The following CACNA1C variants were observed in gnomAD, a reference collection of about 807,000 sequenced individuals.
CACNA1C encodes the protein voltage-dependent L-type calcium channel subunit alpha-1C.
Under a neutral mutation model 229.0 loss-of-function variants are expected in CACNA1C, and 30 were observed. That is an observed-to-expected ratio of 0.13 (90% CI 0.10 to 0.18). CACNA1C has a LOEUF of 0.18. Among genes scored for constraint, CACNA1C ranks in the 10% least tolerant of loss-of-function variants. The pLI is 1.00. For missense variants in CACNA1C, 1,658 were observed against 2,845.0 expected, an observed-to-expected ratio of 0.58 and a Z score of 9.49; for synonymous variants, 1,114 against 1,132.5, an observed-to-expected ratio of 0.98 and a Z score of 0.33.
chr12:2,162,907 G>A (rs898350682), intron 3 of CACNA1C, among the ~76,000 whole-genome samples: 4 of 152,048 alleles, frequency 2.6e-5, no homozygotes, highest in African/African-American at 9.7e-5. Context: ...ATTAAAACTA[G>A]AATAATCTCT....
intron 42 of CACNA1C, among the ~76,000 whole-genome samples, chr12:2,681,708 G>C (rs534176167): frequency 6.8e-6 from 1 of 146,484 alleles, no homozygotes; most frequent in African/African-American, 2.8e-5. Flanking sequence ...CCTCCTCCTC[G>C]AGAGAGAGAA....
intron 5 of CACNA1C, among the ~76,000 whole-genome samples, chr12:2,464,275 G>A (rs2099535360): frequency 6.6e-6 from 1 of 152,192 alleles, no homozygotes; most frequent in African/African-American, 2.4e-5. Context: ...CAAGCACAAA[G>A]CTAGGTGCGG....
chr12:2,315,981 G>A (rs1324396659), intron 3 of CACNA1C, among the ~76,000 whole-genome samples: 1 of 152,244 alleles, frequency 6.6e-6, no homozygotes, highest in African/African-American at 2.4e-5. Context: ...AGTTCCTTGT[G>A]TATAAAGGTG....
At chr12:2,451,612 G>A (rs1033571074) in intron 4 of CACNA1C, among the ~76,000 whole-genome samples, 3 of 152,200 alleles carry the variant, frequency 2.0e-5, no homozygotes, top group African/African-American at 7.2e-5. Context: ...GGGTTGACAG[G>A]GAGGCAGTGC....
chr12:2,658,294 C>G (rs1413896798), intron 34 of CACNA1C, among the ~76,000 whole-genome samples: 1 of 152,200 alleles, frequency 6.6e-6, no homozygotes, highest in Non-Finnish European at 1.5e-5. Context: ...CCTCCAAAAT[C>G]TACTTAAAAA....
At chr12:2,411,655 C>T (rs960637804) in intron 3 of CACNA1C, among the ~76,000 whole-genome samples, 8 of 152,208 alleles carry the variant, frequency 5.3e-5, no homozygotes, top group South Asian at 4.1e-4. Flanking sequence ...TCACCTTTTA[C>T]ACCAGGGAGC....
intron 3 of CACNA1C, among the ~76,000 whole-genome samples, chr12:2,226,774 C>T (rs1219005430): frequency 2.0e-5 from 3 of 152,220 alleles, no homozygotes; most frequent in East Asian, 1.9e-4. Flanking sequence ...CTCCAGTTCT[C>T]GAGCTCTCTG....
At chr12:2,371,819 A>G (rs949129542) in intron 3 of CACNA1C, among the ~76,000 whole-genome samples, 4 of 149,692 alleles carry the variant, frequency 2.7e-5, no homozygotes, top group Non-Finnish European at 5.9e-5. Flanking sequence ...TTCTTTCCAG[A>G]TCCACATTTC....
At position 2,457,604 on chromosome 12, in the gene CACNA1C, G is replaced by A. The variant is rs2099443561; in HGVS notation, c.655G>A (p.Asp219Asn). The A allele has an allele frequency of 6.2e-7, 1 of 1,613,244 alleles. No homozygotes were observed. The highest frequency in any genetic ancestry group is 8.5e-7 in the Non-Finnish European group (1 of 1,179,584). ...AATTTTAGAACAAGCAACCAAAGCA[G>A]ATGGGGCAAACGCTCTCGGAGGGAA... ...SAILEQATKA[D>N]GANALGGKGA... Residue 219 changes from aspartate (D) to asparagine (N), a missense_variant, in exon 5 of 47, where the codon GAT (aspartate) becomes AAT (asparagine). Asp to Asn is a conservative substitution (Grantham distance 23, BLOSUM62 1). This residue lies in a region of CACNA1C where 89 missense variants were observed against 177.8 expected (regional missense o/e 0.50). Coordinates refer to ENST00000399655, the MANE Select transcript of CACNA1C (RefSeq NM_000719.7).
chr12:2,116,970 G>T (rs1287916890), intron 2 of CACNA1C, among the ~76,000 whole-genome samples: 1 of 152,304 alleles, frequency 6.6e-6, no homozygotes, highest in African/African-American at 2.4e-5. Flanking sequence ...AGACAGAAAT[G>T]TTCTATAAAT....
chr12:2,690,807 C>A, intron 46 of CACNA1C, 93 bp from the exon 47 acceptor site: 1 of 1,278,458 alleles, frequency 7.8e-7, no homozygotes, highest in South Asian at 1.6e-5. Flanking sequence ...AGTGACCTAC[C>A]AGATACCCCC....
Position 2,602,060 on chromosome 12 carries a change from A to T in CACNA1C, c.2960+100A>T. The T allele has an allele frequency of 1.3e-6, 1 of 767,474 alleles. No individual in the cohort carries two copies. The highest frequency in any genetic ancestry group is 2.3e-6 in the Non-Finnish European group (1 of 433,060). The allele number at this position is 767,474 out of a possible 1,614,324, so 47.5% of individuals were successfully genotyped here. On this transcript the variant is annotated intron_variant, in intron 22 of 46. Coordinates refer to ENST00000399655, the MANE Select transcript of CACNA1C (RefSeq NM_000719.7). This position sits in a 1 kb window ranked among gnomAD's most constrained non-coding sequence, Gnocchi z 4.4. ...GAGGGCCTGCCTGCAGGGCCACCGCAGTGTGATGAGAGTGGGGTGGGGCCT... is the reference window on the plus strand; with the variant it reads ...GAGGGCCTGCCTGCAGGGCCACCGCTGTGTGATGAGAGTGGGGTGGGGCCT...
intron 5 of CACNA1C, among the ~76,000 whole-genome samples, chr12:2,478,992 G>T (rs1014407085): frequency 3.9e-5 from 6 of 152,166 alleles, no homozygotes; most frequent in African/African-American, 1.4e-4. Context: ...GAGACTCTCC[G>T]ATAGTATTTT....
chr12:2,225,322 A>G (rs1219616870), intron 3 of CACNA1C, among the ~76,000 whole-genome samples: 1 of 152,258 alleles, frequency 6.6e-6, no homozygotes, highest in African/African-American at 2.4e-5. Flanking sequence ...GGCAGAAACT[A>G]GGCAACTAAA....
intron 1 of CACNA1C, among the ~76,000 whole-genome samples, chr12:2,008,767 G>A (rs1226420271): frequency 1.3e-5 from 2 of 152,132 alleles, no homozygotes; most frequent in African/African-American, 4.8e-5. Context: ...ATCATACTCA[G>A]AGAAAAAAGA....
chr12:2,187,354 CCT>C (rs1184854875), intron 3 of CACNA1C, among the ~76,000 whole-genome samples: 2 of 152,170 alleles, frequency 1.3e-5, no homozygotes, highest in Admixed American at 1.3e-4. Context: ...CCCATAGCAG[CCT>C]CTCTGTCTTG....
At chr12:2,200,591 G>A (rs986928200) in intron 3 of CACNA1C, among the ~76,000 whole-genome samples, 1 of 152,184 alleles carries the variant, frequency 6.6e-6, no homozygotes, top group Non-Finnish European at 1.5e-5. Context: ...TGGTGACAGG[G>A]CAAGGCTCCT....
At chr12:2,232,053 A>G (rs1424913918) in intron 3 of CACNA1C, among the ~76,000 whole-genome samples, 1 of 152,116 alleles carries the variant, frequency 6.6e-6, no homozygotes, top group Non-Finnish European at 1.5e-5. Flanking sequence ...TAAAACTGAG[A>G]AACTGACATG....
At chr12:2,046,889 A>G (rs1319218780) in intron 1 of CACNA1C, among the ~76,000 whole-genome samples, 1 of 152,112 alleles carries the variant, frequency 6.6e-6, no homozygotes, top group African/African-American at 2.4e-5. Context: ...TGGAAGGGAG[A>G]ACTCTGCCAG....
Sources: gnomAD v4.1 joint callset for allele counts (sites outside exome capture counted in the v4.1 genomes callset) on GRCh38, gnomAD v4.1.1 for gene constraint, gnomAD v4.1.1 regional missense constraint, Gnocchi (gnomAD v3.1) non-coding constraint, MANE v1.5 for transcripts, NCBI Gene and HGNC (gene_info 2026-07-23, HGNC 2026-07-21) for gene names.